The following TRHDE variants were observed in gnomAD, a reference collection of about 807,000 sequenced individuals.
TRHDE encodes the protein thyrotropin releasing hormone degrading enzyme, also known as thyrotropin-releasing hormone-degrading ectoenzyme.
In TRHDE, 72 loss-of-function variants were observed where a neutral mutation model predicts 125.7. The observed-to-expected ratio is 0.57, with a 90% CI of 0.47 to 0.70. The LOEUF (loss-of-function observed/expected upper bound fraction) is 0.70. Among genes scored for constraint, TRHDE ranks in the 30% least tolerant of loss-of-function variants. The probability of loss-of-function intolerance (pLI) is 0.00; values close to 1 mark genes in which losing one functional copy is unlikely to be tolerated. For missense variants in TRHDE, 1,110 were observed against 1,327.1 expected (o/e 0.84, Z 2.54); for synonymous variants, 509 against 509.1 (o/e 1.00, Z 0.00).
rs2136120791 is a variant in TRHDE at position 72,666,151 on chromosome 12, A to G, written c.*2956A>G. ...CATTGCTTTCTCAAAGAACTGTTAC[A>G]CATTTTGTTTTATTTGACTCATCAC... On this transcript the variant is annotated 3_prime_UTR_variant, in exon 19 of 19. Transcript: ENST00000261180. 6.6e-6 allele frequency: 1 copy of G among 152,230 alleles called. No individual in the cohort carries two copies. 9.4% of individuals were successfully genotyped at this position (152,230 alleles called of 1,614,324 possible). A position where few individuals can be genotyped will look rare whatever the true frequency, so the allele number is the denominator to read the frequency against.
intron 2 of TRHDE, among the ~76,000 whole-genome samples, chr12:72,167,207 A>C (rs1876771873): frequency 6.6e-6 from 1 of 152,166 alleles, no homozygotes; most frequent in Non-Finnish European, 1.5e-5. Context: ...TAGGCTAATC[A>C]GCAAAGTGAC....
intron 2 of TRHDE, among the ~76,000 whole-genome samples, chr12:72,138,618 G>A (rs1876043135): frequency 6.6e-6 from 1 of 152,206 alleles, no homozygotes; most frequent in Non-Finnish European, 1.5e-5. Context: ...TTGGAAAACT[G>A]TCCAGTCCCA....
At chr12:72,471,547 A>G (rs2135899904) in intron 4 of TRHDE, among the ~76,000 whole-genome samples, 1 of 152,354 alleles carries the variant, frequency 6.6e-6, no homozygotes, top group Non-Finnish European at 1.5e-5. Flanking sequence ...GTAATGAACC[A>G]GAAGCTAGGA....
chr12:72,186,277 C>G (rs1161417139), intron 2 of TRHDE: 1 of 162,432 alleles, frequency 6.2e-6, no homozygotes, highest in Non-Finnish European at 1.3e-5. Flanking sequence ...CAACTCCAGA[C>G]GCGCTGCCTT....
intron 2 of TRHDE, among the ~76,000 whole-genome samples, chr12:72,327,110 TCTCA>T (rs1869378051): frequency 6.6e-6 from 1 of 152,124 alleles, no homozygotes; most frequent in Non-Finnish European, 1.5e-5. Context: ...AGAACTTTTA[TCTCA>T]CTCATATCTC....
intron 3 of TRHDE, among the ~76,000 whole-genome samples, chr12:72,414,983 T>C (rs897851189): frequency 3.3e-5 from 5 of 152,160 alleles, no homozygotes; most frequent in African/African-American, 4.8e-5. Flanking sequence ...TGAGTTTAGT[T>C]ATATTTATCT....
chr12:72,533,624 ATTAC>A (rs796305993), intron 6 of TRHDE, among the ~76,000 whole-genome samples: 106 of 138,780 alleles, frequency 7.6e-4, no homozygotes, highest in African/African-American at 2.7e-3. Context: ...TTTTACCTCT[ATTAC>A]TTTCTTTCTC....
chr12:72,598,426 CT>C (rs1872069887), intron 12 of TRHDE, among the ~76,000 whole-genome samples: 1 of 152,136 alleles, frequency 6.6e-6, no homozygotes, highest in African/African-American at 2.4e-5. Context: ...AATTTAAATG[CT>C]TACCTTCTGC....
intron 15 of TRHDE, among the ~76,000 whole-genome samples, chr12:72,645,275 A>G (rs1346743853): frequency 6.6e-6 from 1 of 152,192 alleles, no homozygotes; most frequent in Non-Finnish European, 1.5e-5. Context: ...AAAACATTTA[A>G]AAGTACTAAA....
chr12:72,653,823 T>G (rs951993425), intron 17 of TRHDE, among the ~76,000 whole-genome samples: 1 of 152,160 alleles, frequency 6.6e-6, no homozygotes, highest in Non-Finnish European at 1.5e-5. Context: ...ATGCTGCTTG[T>G]TTTTCTTTAA....
chr12:72,528,577 C>A (rs2135971602), intron 6 of TRHDE, among the ~76,000 whole-genome samples: 1 of 152,238 alleles, frequency 6.6e-6, no homozygotes, highest in African/African-American at 2.4e-5. Flanking sequence ...CAACCTCCAC[C>A]TGCCGGGTTC....
intron 2 of TRHDE, among the ~76,000 whole-genome samples, chr12:72,184,177 G>A (rs936480840): frequency 1.3e-5 from 2 of 152,068 alleles, no homozygotes; most frequent in Non-Finnish European, 1.5e-5. Flanking sequence ...GAACACCAAA[G>A]GTTATTTCTT....
chr12:72,489,231 A>C (rs1345701280), intron 5 of TRHDE, among the ~76,000 whole-genome samples: 1 of 151,614 alleles, frequency 6.6e-6, no homozygotes, highest in East Asian at 1.9e-4. Context: ...TGAAAAAAAA[A>C]ATACAAAATC....
intron 2 of TRHDE, among the ~76,000 whole-genome samples, chr12:72,106,911 A>G (rs1875199678): frequency 6.6e-6 from 1 of 152,120 alleles, no homozygotes; most frequent in East Asian, 1.9e-4. Flanking sequence ...TCAGCAACCC[A>G]TAGGGTACCA....
At chr12:72,376,112 A>G (rs542547684) in intron 2 of TRHDE, among the ~76,000 whole-genome samples, 1 of 152,244 alleles carries the variant, frequency 6.6e-6, no homozygotes, top group East Asian at 1.9e-4. Context: ...GTAGCCAATG[A>G]CAAGGTGCAA....
chr12:72,297,854 A>G (rs1880361105), intron 2 of TRHDE, among the ~76,000 whole-genome samples: 1 of 152,210 alleles, frequency 6.6e-6, no homozygotes, highest in Admixed American at 6.5e-5. Context: ...CTTATGCGGC[A>G]GACGGAATGG....
chr12:72,296,239 G>A (rs1880295441), intron 2 of TRHDE, among the ~76,000 whole-genome samples: 1 of 152,216 alleles, frequency 6.6e-6, no homozygotes, highest in Non-Finnish European at 1.5e-5. Flanking sequence ...AGGTTAATAT[G>A]TGGAGCCTGA....
intron 15 of TRHDE, among the ~76,000 whole-genome samples, chr12:72,640,339 G>A (rs1873998813): frequency 6.6e-6 from 1 of 152,248 alleles, no homozygotes; most frequent in Non-Finnish European, 1.5e-5. Flanking sequence ...TCCCGAGTGA[G>A]GCAATGCCTC....
At chr12:72,332,026 C>T (rs908200468) in intron 2 of TRHDE, among the ~76,000 whole-genome samples, 12 of 152,132 alleles carry the variant, frequency 7.9e-5, no homozygotes, top group African/African-American at 2.9e-4. Context: ...GTATTGGCAC[C>T]TGCTTCTGAT....
Sources: allele counts gnomAD v4.1 joint callset (sites outside exome capture counted in the v4.1 genomes callset), GRCh38; gene constraint gnomAD v4.1.1; transcripts MANE v1.5; gene names NCBI Gene and HGNC (gene_info 2026-07-23, HGNC 2026-07-21).